MDGA1: variants seen among roughly 807,000 people sequenced by gnomAD.
MDGA1 encodes the protein MAM domain containing glycosylphosphatidylinositol anchor 1, also known as MAM domain-containing glycosylphosphatidylinositol anchor protein 1.
In MDGA1, 54 loss-of-function variants were observed where a neutral mutation model predicts 101.5. The observed-to-expected ratio is 0.53, with a 90% CI of 0.43 to 0.67. The LOEUF is 0.67. Among genes scored for constraint, MDGA1 ranks in the 30% least tolerant of loss-of-function variants. MDGA1 has a pLI of 0.00. For missense variants in MDGA1, 1,083 were observed against 1,323.8 expected, an observed-to-expected ratio of 0.82 and a Z score of 2.82; for synonymous variants, 533 against 558.3, an observed-to-expected ratio of 0.95 and a Z score of 0.64.
chr6:37,645,606 T>C (rs1029859969), intron 12 of MDGA1, among the ~76,000 whole-genome samples: 2 of 152,152 alleles, frequency 1.3e-5, no homozygotes, highest in Non-Finnish European at 2.9e-5. Context: ...ATACATAGAT[T>C]CTTTGGAGGT....
At chr6:37,647,646 G>A (rs576221489) in intron 9 of MDGA1, among the ~76,000 whole-genome samples, 41 of 151,992 alleles carry the variant, frequency 2.7e-4, no homozygotes, top group African/African-American at 8.4e-4. Flanking sequence ...AGGGATATGA[G>A]GGAAGATGGG....
At chr6:37,645,645 CT>C (rs1165853379) in intron 12 of MDGA1, among the ~76,000 whole-genome samples, 6 of 152,180 alleles carry the variant, frequency 3.9e-5, no homozygotes, top group Non-Finnish European at 7.3e-5. Context: ...GAACCCCTGA[CT>C]CAGGCAACAA....
At position 37,633,885 on chromosome 6, in the gene MDGA1, C is replaced by T; in HGVS notation, c.*3483G>A. ...AAACTAGCTGTGTGACCTTGGGCCA[C>T]TCCCCTTCCCCACTCTGGGCTTCAG... On this transcript the variant is annotated 3_prime_UTR_variant, in exon 17 of 17. Coordinates refer to ENST00000434837, the MANE Select transcript of MDGA1 (RefSeq NM_153487.4). 1 of 152,624 alleles carries T rather than the reference C, an allele frequency of 6.6e-6. No individual in the cohort carries two copies. Among genetic ancestry groups the T allele is most frequent in the African/African-American group, 2.4e-5 (1 of 41,598 alleles). The allele number at this position is 152,624 out of a possible 1,614,324, so 9.5% of individuals were successfully genotyped here. A position where few individuals can be genotyped will look rare whatever the true frequency, so the allele number is the denominator to read the frequency against.
At chr6:37,686,450 G>A (rs1172618345) in intron 1 of MDGA1, among the ~76,000 whole-genome samples, 1 of 143,632 alleles carries the variant, frequency 7.0e-6, no homozygotes, top group Non-Finnish European at 1.5e-5. Flanking sequence ...TTTTGAGATG[G>A]AGTTTCACTC....
In MDGA1 at chr6:37,647,357, G is replaced by A. The variant is rs1407838292; in HGVS notation, c.1895-33C>T. The A allele has an allele frequency of 7.6e-6, 11 of 1,441,660 alleles. No individual in the cohort carries two copies. The South Asian group carries it at 1.1e-4, about 14-fold the overall frequency. 89.3% of individuals were successfully genotyped at this position (1,441,660 alleles called of 1,614,324 possible). On this transcript the variant is annotated intron_variant, in intron 9 of 16. Transcript: ENST00000434837. The stretch of plus-strand genomic sequence containing the variant: ...GGCGGGGAGGGGGGCATTGGGCCGT[G>A]GAGGGTGCAGGGGAGACACAAAGAG...
chr6:37,681,680 G>A (rs1561861612), intron 1 of MDGA1, among the ~76,000 whole-genome samples: 1 of 152,242 alleles, frequency 6.6e-6, no homozygotes. Flanking sequence ...AGAACTGGAG[G>A]AACATGTTAC....
At chr6:37,692,441 G>T (rs1405132426) in intron 1 of MDGA1, among the ~76,000 whole-genome samples, 1 of 151,910 alleles carries the variant, frequency 6.6e-6, no homozygotes, top group Non-Finnish European at 1.5e-5. Flanking sequence ...GGGGCAGGGG[G>T]GAGTGGCAGG....
intron 2 of MDGA1, among the ~76,000 whole-genome samples, chr6:37,659,955 G>A (rs991361384): frequency 1.3e-5 from 2 of 151,754 alleles, no homozygotes; most frequent in Non-Finnish European, 2.9e-5. Context: ...TTTACATACT[G>A]CTCAAGCCTT....
rs1036274005 is a variant in MDGA1 at position 37,696,053 on chromosome 6, G to A, written c.67+692C>T. 1.3e-5 allele frequency among the ~76,000 whole-genome samples: 2 copies of A among 152,182 alleles called. No individual in the cohort carries two copies. Among genetic ancestry groups the A allele is most frequent in the Non-Finnish European group, 2.9e-5 (2 of 68,030 alleles). ...AGAGTTTGGACACGTATCCCGGTGG[G>A]TGCGTGCCGTGTTTGCGTTTTCTGG... On this transcript the variant is annotated intron_variant, in intron 1 of 16. Coordinates refer to ENST00000434837, the MANE Select transcript of MDGA1 (RefSeq NM_153487.4). The surrounding 1 kb of genome is among the most constrained non-coding windows in gnomAD (Gnocchi z 5.6).
At chr6:37,673,150 T>C (rs1004076604) in intron 1 of MDGA1, among the ~76,000 whole-genome samples, 1 of 151,966 alleles carries the variant, frequency 6.6e-6, no homozygotes, top group African/African-American at 2.4e-5. Context: ...TGGTCTGGAG[T>C]CTGTCTGACT....
chr6:37,685,061 G>A (rs1442892534), intron 1 of MDGA1, among the ~76,000 whole-genome samples: 1 of 152,144 alleles, frequency 6.6e-6, no homozygotes, highest in African/African-American at 2.4e-5. Flanking sequence ...GAGCACTTTG[G>A]GAGGCCGAGG....
intron 1 of MDGA1, among the ~76,000 whole-genome samples, chr6:37,674,654 G>A (rs1176442430): frequency 2.6e-5 from 4 of 152,210 alleles, no homozygotes; most frequent in Admixed American, 1.3e-4. Context: ...GAACTAGAGG[G>A]TGTCTGGACA....
Position 37,655,215 on chromosome 6 carries a change from G to C in MDGA1, c.580-283C>G. The C allele has an allele frequency of 2.0e-6, 1 of 494,696 alleles. No individual in the cohort carries two copies. The highest frequency in any genetic ancestry group is 3.6e-6 in the Non-Finnish European group (1 of 277,414). 30.6% of individuals were successfully genotyped at this position (494,696 alleles called of 1,614,324 possible). Reference sequence around the variant, plus strand: ...CCTTGGTTTCTCCAGTCTGGGAAACGGAGGGGTAAGAAGGGAACTTACTCG... The same window carrying C: ...CCTTGGTTTCTCCAGTCTGGGAAACCGAGGGGTAAGAAGGGAACTTACTCG... On this transcript the variant is annotated intron_variant, in intron 4 of 16. Transcript: ENST00000434837. This position sits in a 1 kb window ranked among gnomAD's most constrained non-coding sequence, Gnocchi z 5.1.
Position 37,650,259 on chromosome 6 carries a change from A to C in MDGA1, c.1459T>G (p.Ser487Ala). Residue 487 changes from serine to alanine, a missense_variant, in exon 8 of 17, where the codon TCG (serine) becomes GCG (alanine). By Grantham distance (99) the Ser-to-Ala change is moderately conservative. This residue lies in a region of MDGA1 where 657 missense variants were observed against 771.4 expected (regional missense o/e 0.85). Coordinates refer to ENST00000434837, the MANE Select transcript of MDGA1 (RefSeq NM_153487.4). ...GGAGTCTCCTCCAGGGGCAGCCCCG[A>C]GGGCAGCAGTGCAGCCTCCTTGTCC... ...RVDKEAALLP[S>A]GLPLEETPDG... 1 of 1,609,448 alleles carries C rather than the reference A, an allele frequency of 6.2e-7. No homozygotes were observed. Among genetic ancestry groups the C allele is most frequent in the South Asian group, 1.1e-5 (1 of 90,518 alleles).
chr6:37,677,431 C>T lies in MDGA1; in HGVS notation c.68-13325G>A, dbSNP rs116173826. Among the ~76,000 whole-genome samples, 1,231 of 152,242 alleles carry T rather than the reference C, an allele frequency of 8.1e-3. 16 individuals are homozygous for T. The highest frequency in any genetic ancestry group is 0.028 in the African/African-American group (1,148 of 41,536). Reference sequence around the variant, plus strand: ...TATTTAAAAGAAAGGGAAATTGGCTCCTACCCAAATGCTCGGCAGCAGAGA... The same window carrying T: ...TATTTAAAAGAAAGGGAAATTGGCTTCTACCCAAATGCTCGGCAGCAGAGA... On this transcript the variant is annotated intron_variant, in intron 1 of 16. Coordinates refer to ENST00000434837, the MANE Select transcript of MDGA1 (RefSeq NM_153487.4).
chr6:37,688,361 C>A (rs1762240801), intron 1 of MDGA1, among the ~76,000 whole-genome samples: 1 of 152,202 alleles, frequency 6.6e-6, no homozygotes, highest in Non-Finnish European at 1.5e-5. Context: ...CTGAGAACCA[C>A]TTTTCTACAC....
Position 37,697,380 on chromosome 6 carries a change from C to A in MDGA1, c.-569G>T, listed in dbSNP as rs1762444294. The A allele has an allele frequency of 6.6e-6, 1 of 151,994 alleles. No homozygotes were observed. The highest frequency in any genetic ancestry group is 2.1e-4 in the South Asian group (1 of 4,820). 9.4% of individuals were successfully genotyped at this position (151,994 alleles called of 1,614,324 possible). A position where few individuals can be genotyped will look rare whatever the true frequency, so the allele number is the denominator to read the frequency against. On this transcript the variant is annotated 5_prime_UTR_variant, in exon 1 of 17. Coordinates refer to ENST00000434837, the MANE Select transcript of MDGA1 (RefSeq NM_153487.4). ...AGCACTCGCGGCGGCGAAGCAGCCCCGGGCCCGGCCCTCCTGATCCGGGGA... is the reference window on the plus strand; with the variant it reads ...AGCACTCGCGGCGGCGAAGCAGCCCAGGGCCCGGCCCTCCTGATCCGGGGA...
rs1160634260 is a variant in MDGA1, at chr6:37,697,547, G to A, written c.-736C>T. The stretch of plus-strand genomic sequence containing the variant: ...CTGGAGAGCAATTCCAGGCAAGAAG[G>A]GCCCCAGAAAACGGGGAAAGGAGGA... On this transcript the variant is annotated 5_prime_UTR_variant, in exon 1 of 17. Coordinates refer to ENST00000434837, the MANE Select transcript of MDGA1 (RefSeq NM_153487.4). 3.3e-5 allele frequency: 5 copies of A among 152,198 alleles called. No individual in the cohort carries two copies. The highest frequency in any genetic ancestry group is 7.3e-5 in the Non-Finnish European group (5 of 68,054). 9.4% of individuals were successfully genotyped at this position (152,198 alleles called of 1,614,324 possible).
rs1177124826 is a variant in MDGA1, at chr6:37,655,991, C to G, written c.383-95G>C. The G allele has an allele frequency of 9.5e-7, 1 of 1,049,360 alleles. No homozygotes were observed. The highest frequency in any genetic ancestry group is 1.6e-5 in the African/African-American group (1 of 62,314). The allele number at this position is 1,049,360 out of a possible 1,614,324, so 65.0% of individuals were successfully genotyped here. ...AGCCCTTAGGAAGAGCTGAGCCACC[C>G]TCAACAGACATTTCCAGATTGCCAG... On this transcript the variant is annotated intron_variant, in intron 3 of 16. Transcript: ENST00000434837. This position sits in a 1 kb window ranked among gnomAD's most constrained non-coding sequence, Gnocchi z 5.1.
Sources: gnomAD v4.1 joint callset for allele counts (sites outside exome capture counted in the v4.1 genomes callset) on GRCh38, gnomAD v4.1.1 for gene constraint, gnomAD v4.1.1 regional missense constraint, Gnocchi (gnomAD v3.1) non-coding constraint, MANE v1.5 for transcripts, NCBI Gene and HGNC (gene_info 2026-07-23, HGNC 2026-07-21) for gene names.